The following RUNX2 variants were observed in gnomAD, a reference collection of about 807,000 sequenced individuals.
The protein encoded by RUNX2 is RUNX family transcription factor 2.
A neutral mutation model predicts 51.7 loss-of-function variants in RUNX2; 10 were observed. The observed-to-expected ratio is 0.19, with a 90% CI of 0.12 to 0.33. The LOEUF is 0.33. Among genes scored for constraint, RUNX2 ranks in the 10% least tolerant of loss-of-function variants. The pLI is 1.00. For missense variants in RUNX2, 562 were observed against 691.3 expected (o/e 0.81, Z 2.10); for synonymous variants, 276 against 273.6 (o/e 1.01, Z -0.09).
chr6:45,412,949 C>A (rs1167670216), intron 2 of RUNX2, among the ~76,000 whole-genome samples: 1 of 152,090 alleles, frequency 6.6e-6, no homozygotes, highest in Non-Finnish European at 1.5e-5. Context: ...CGGGGTTTCA[C>A]CATGTTGGCC....
chr6:45,530,675 G>A (rs1049335172), intron 7 of RUNX2, among the ~76,000 whole-genome samples: 1 of 152,194 alleles, frequency 6.6e-6, no homozygotes, highest in African/African-American at 2.4e-5. Flanking sequence ...CCAGGAAGGA[G>A]GAGGCATCTT....
At chr6:45,490,080 C>A (rs1446802998) in intron 5 of RUNX2, among the ~76,000 whole-genome samples, 2 of 152,136 alleles carry the variant, frequency 1.3e-5, no homozygotes, top group East Asian at 3.9e-4. Context: ...AGGGCTATAT[C>A]CTCGTGAAGG....
At chr6:45,545,120 C>G in intron 7 of RUNX2, 97 bp from the exon 8 acceptor site, 1 of 984,508 alleles carries the variant, frequency 1.0e-6, no homozygotes, top group Non-Finnish European at 1.6e-6. Context: ...GTCTACCCCT[C>G]CCCTAAGGCT....
intron 2 of RUNX2, among the ~76,000 whole-genome samples, chr6:45,336,637 G>A (rs1287927068): frequency 1.3e-5 from 2 of 151,130 alleles, no homozygotes; most frequent in Admixed American, 6.6e-5. Flanking sequence ...TTACTCAGAC[G>A]TATTCAAACA....
At chr6:45,545,840 A>G (rs200050663) in intron 8 of RUNX2, among the ~76,000 whole-genome samples, 2 of 152,250 alleles carry the variant, frequency 1.3e-5, no homozygotes, top group East Asian at 3.8e-4. Context: ...AATGGTTTAT[A>G]ACGGTGGTTT....
At chr6:45,463,739 A>G (rs1386731014) in intron 5 of RUNX2, among the ~76,000 whole-genome samples, 1 of 152,062 alleles carries the variant, frequency 6.6e-6, no homozygotes, top group East Asian at 1.9e-4. Flanking sequence ...ATTCTGGGTC[A>G]GCTTTGAGAC....
At chr6:45,468,999 A>G (rs899680659) in intron 5 of RUNX2, among the ~76,000 whole-genome samples, 1 of 152,110 alleles carries the variant, frequency 6.6e-6, no homozygotes, top group South Asian at 2.1e-4. Context: ...GCACCTTTTG[A>G]TTTGAATATA....
At chr6:45,507,904 AG>A (rs1188271529) in intron 6 of RUNX2, among the ~76,000 whole-genome samples, 1 of 152,250 alleles carries the variant, frequency 6.6e-6, no homozygotes, top group Non-Finnish European at 1.5e-5. Flanking sequence ...AACATTTATC[AG>A]GTTCTTTCCA....
At chr6:45,331,197 A>G (rs1278892242) in intron 2 of RUNX2, among the ~76,000 whole-genome samples, 1 of 151,812 alleles carries the variant, frequency 6.6e-6, no homozygotes, top group Non-Finnish European at 1.5e-5. Flanking sequence ...CTTCACTTTG[A>G]GTTAATCAAA....
At chr6:45,490,101 C>T (rs947466043) in intron 5 of RUNX2, among the ~76,000 whole-genome samples, 13 of 152,148 alleles carry the variant, frequency 8.5e-5, no homozygotes, top group Admixed American at 6.6e-4. Flanking sequence ...CTCAGCTAGT[C>T]GGCAGCCGAG....
chr6:45,413,144 A>T (rs181163426), intron 2 of RUNX2, among the ~76,000 whole-genome samples: 107 of 152,314 alleles, frequency 7.0e-4, no homozygotes, highest in African/African-American at 2.5e-3. Context: ...TCAAAGATAC[A>T]CTTATGGGAA....
intron 2 of RUNX2, among the ~76,000 whole-genome samples, chr6:45,402,985 T>A (rs184640958): frequency 6.6e-6 from 1 of 152,128 alleles, no homozygotes; most frequent in Admixed American, 6.6e-5. Context: ...ATCACATATA[T>A]AGCAAAAACA....
intron 2 of RUNX2, among the ~76,000 whole-genome samples, chr6:45,368,238 C>A (rs1795479119): frequency 6.6e-6 from 1 of 152,118 alleles, no homozygotes; most frequent in Non-Finnish European, 1.5e-5. Flanking sequence ...ATTATTTCAA[C>A]ATGCCAGAGT....
intron 5 of RUNX2, among the ~76,000 whole-genome samples, chr6:45,464,852 G>C (rs1292248293): frequency 6.6e-6 from 1 of 152,188 alleles, no homozygotes; most frequent in Non-Finnish European, 1.5e-5. Context: ...ACCCTCTGGT[G>C]GGTGTGAATC....
chr6:45,522,825 C>T lies in RUNX2; in HGVS notation c.1021+10418C>T, dbSNP rs541336333. 4.6e-5 allele frequency among the ~76,000 whole-genome samples: 7 copies of T among 152,214 alleles called. 1 individual carries two copies. The South Asian group carries it at 1.4e-3, about 32-fold the overall frequency. On this transcript the variant is annotated intron_variant, in intron 7 of 8. Transcript: ENST00000647337. ...TGCTGCATGCTTCAGGGTTCTTATG[C>T]TGTGACTATTATTAGAAATTGGCTA...
Position 45,420,106 on chromosome 6 carries a change from C to T in RUNX2, c.59-2487C>T, listed in dbSNP as rs576642069. ...TAGTATCCCCTGAACTCCATCCTTA[C>T]CCCTCGAGAGCGCACACCTGGCTAC... On this transcript the variant is annotated intron_variant, in intron 2 of 8. Transcript: ENST00000647337. Among the ~76,000 whole-genome samples, 280 of 152,202 alleles carry T rather than the reference C, an allele frequency of 1.8e-3. 1 individual carries two copies. Among genetic ancestry groups the T allele is most frequent in the African/African-American group, 5.8e-3 (241 of 41,538 alleles).
At chr6:45,339,688 C>T (rs1789354243) in intron 2 of RUNX2, among the ~76,000 whole-genome samples, 2 of 152,138 alleles carry the variant, frequency 1.3e-5, no homozygotes, top group South Asian at 2.1e-4. Flanking sequence ...GTTCAAATAG[C>T]TATTCTAAGT....
intron 2 of RUNX2, among the ~76,000 whole-genome samples, chr6:45,342,731 T>C (rs1225304358): frequency 6.7e-6 from 1 of 148,160 alleles, no homozygotes; most frequent in African/African-American, 2.5e-5. Flanking sequence ...ATTTAGTTAA[T>C]AGTTTGCGTT....
intron 2 of RUNX2, among the ~76,000 whole-genome samples, chr6:45,395,105 A>C (rs1482568300): frequency 6.6e-6 from 1 of 152,160 alleles, no homozygotes; most frequent in Non-Finnish European, 1.5e-5. Context: ...TGTTCCTGAC[A>C]ATCTGTGATT....
Sources: allele counts gnomAD v4.1 joint callset (sites outside exome capture counted in the v4.1 genomes callset), GRCh38; gene constraint gnomAD v4.1.1; transcripts MANE v1.5; gene names NCBI Gene and HGNC (gene_info 2026-07-23, HGNC 2026-07-21).